ATP6AP2: variants seen among roughly 807,000 people sequenced by gnomAD.
ATP6AP2 encodes renin receptor.
A neutral mutation model predicts 23.4 loss-of-function variants in ATP6AP2; 1 was observed. The ratio of observed to expected loss-of-function variants is 0.04; its 90% CI spans 0.02 to 0.20. The LOEUF (loss-of-function observed/expected upper bound fraction) is 0.20, where lower values mean the gene tolerates loss of function less well. ATP6AP2 is among the 10% of genes least tolerant of loss of function. The pLI, the probability that ATP6AP2 is intolerant of heterozygous loss-of-function variation, is 1.00. For missense variants in ATP6AP2, 174 were observed against 271.3 expected (o/e 0.64, Z 2.52); for synonymous variants, 90 against 97.1 (o/e 0.93, Z 0.43).
chrX:40,591,836 T>G (rs1370414374), intron 3 of ATP6AP2: 1 of 159,282 alleles, frequency 6.3e-6, no homozygotes, highest in East Asian at 1.7e-4. Context: ...CCTTCCATTA[T>G]AAGCATATAG....
At chrX:40,588,854 A>G in intron 1 of ATP6AP2, 132 bp from the exon 2 acceptor site, 5 of 711,142 alleles carry the variant, frequency 7.0e-6, no homozygotes, top group Non-Finnish European at 8.5e-6. Context: ...TTTAGGACTC[A>G]GCATTTTGAC....
intron 8 of ATP6AP2, 197 bp from the exon 9 acceptor site, chrX:40,605,364 C>G (rs1927046108): frequency 7.0e-6 from 3 of 429,619 alleles, no homozygotes; most frequent in Non-Finnish European, 1.2e-5. Context: ...AGCATTTGGA[C>G]TGGTTTATAC....
In ATP6AP2 at chrX:40,600,931, T is replaced by TAAA. The variant is rs10590549; in HGVS notation, c.858+61_858+63dup. The TAAA allele has an allele frequency of 0.079, 67,908 of 855,011 alleles. 4 individuals are homozygous for TAAA. Among genetic ancestry groups the TAAA allele is most frequent in the Non-Finnish European group, 0.09 (57,094 of 631,020 alleles). The allele number at this position is 855,011 out of a possible 1,213,427, so 70.5% of individuals were successfully genotyped here. A position where few individuals can be genotyped will look rare whatever the true frequency, so the allele number is the denominator to read the frequency against. ...TTAAAACTGTAAAATTAACTTCTTA[T>TAAA]AAAAAAAAAAAAACCAAGTCCTATA... On this transcript the variant is annotated intron_variant, in intron 8 of 8. Transcript: ENST00000636580.
At chrX:40,582,647 G>C (rs1305136303) in intron 1 of ATP6AP2, among the ~76,000 whole-genome samples, 1 of 111,759 alleles carries the variant, frequency 8.9e-6, no homozygotes, top group Non-Finnish European at 1.9e-5. Flanking sequence ...TTCTGGCTCT[G>C]GAAAGGTCTT....
intron 3 of ATP6AP2, chrX:40,591,909 G>C (rs1398427389): frequency 2.4e-5 from 3 of 125,680 alleles, no homozygotes; most frequent in Admixed American, 8.1e-5. Context: ...GAATGCAAGA[G>C]GGGGTGATAT....
chrX:40,593,502 T>C (rs1926697240), intron 3 of ATP6AP2, among the ~76,000 whole-genome samples: 1 of 109,859 alleles, frequency 9.1e-6, no homozygotes, highest in Non-Finnish European at 1.9e-5. Flanking sequence ...CACATTTTCT[T>C]TCTGCTTTTT....
intron 1 of ATP6AP2, 134 bp downstream of exon 1, chrX:40,581,236 A>C (rs748487635): frequency 4.3e-6 from 3 of 697,224 alleles, no homozygotes; most frequent in Middle Eastern, 5.4e-4. Context: ...GCCTCGCCTC[A>C]GCCGCGTCCC....
intron 1 of ATP6AP2, among the ~76,000 whole-genome samples, chrX:40,584,012 A>G (rs940928980): frequency 8.0e-5 from 9 of 112,165 alleles, no homozygotes; most frequent in Non-Finnish European, 1.7e-4. Flanking sequence ...CAGATCTCCA[A>G]AGTGGAGTAT....
chrX:40,591,478 T>G lies in ATP6AP2; in HGVS notation c.300+113T>G, dbSNP rs1340080612. On this transcript the variant is annotated intron_variant, in intron 3 of 8. Transcript: ENST00000636580. ...CTCTTATCTGTTTTTGATGCACAGTTTCTTTTGAAATTCTTTGACAAACAC... is the reference window on the plus strand; with the variant it reads ...CTCTTATCTGTTTTTGATGCACAGTGTCTTTTGAAATTCTTTGACAAACAC... 5 of 902,842 alleles carry G rather than the reference T, an allele frequency of 5.5e-6. No homozygotes were observed. The East Asian group carries it at 1.7e-4, about 31-fold the overall frequency. The allele number at this position is 902,842 out of a possible 1,213,427, so 74.4% of individuals were successfully genotyped here.
At chrX:40,602,754 T>C (rs4521900) in intron 8 of ATP6AP2, among the ~76,000 whole-genome samples, 14,157 of 105,542 alleles carry the variant, frequency 0.13, 2,035 homozygotes, top group African/African-American at 0.4. Flanking sequence ...GGGATGGGAA[T>C]GGACAACTCC....
At chrX:40,596,960 A>G in intron 3 of ATP6AP2, 1 of 254,446 alleles carries the variant, frequency 3.9e-6, no homozygotes, top group Non-Finnish European at 7.0e-6. Flanking sequence ...TGCTGCTTCA[A>G]ATACATGAAT....
intron 1 of ATP6AP2, among the ~76,000 whole-genome samples, chrX:40,585,065 T>C (rs1200904247): frequency 8.9e-6 from 1 of 112,513 alleles, no homozygotes; most frequent in Non-Finnish European, 1.9e-5. Context: ...TTATCTCTTT[T>C]TGAATAATAA....
intron 1 of ATP6AP2, among the ~76,000 whole-genome samples, chrX:40,582,675 C>T (rs938523868): frequency 8.9e-6 from 1 of 112,039 alleles, no homozygotes; most frequent in Non-Finnish European, 1.9e-5. Flanking sequence ...TACTGAGATA[C>T]TTTGAGGGAA....
In ATP6AP2 at chrX:40,594,577, G is replaced by A. The variant is rs750786571; in HGVS notation, c.301-2672G>A. Among the ~76,000 whole-genome samples, 147 of 112,751 alleles carry A rather than the reference G, an allele frequency of 1.3e-3. No homozygotes were observed. In the South Asian group the frequency reaches 0.013, roughly 10 times the overall value. On this transcript the variant is annotated intron_variant, in intron 3 of 8. Transcript: ENST00000636580. Reference sequence around the variant, plus strand: ...AAGCAGAGCGCATGGATGGCTCAGCGCATGGATGGGGCAGTGGTTGGTGAT... The same window carrying A: ...AAGCAGAGCGCATGGATGGCTCAGCACATGGATGGGGCAGTGGTTGGTGAT...
chrX:40,605,187 C>A (rs1383674441), intron 8 of ATP6AP2: 1 of 145,974 alleles, frequency 6.9e-6, no homozygotes. Context: ...GCCTTGGCCT[C>A]CCGAAGTGCT....
intron 8 of ATP6AP2, 135 bp downstream of exon 8, chrX:40,601,016 C>T (rs1389894588): frequency 3.2e-5 from 21 of 658,205 alleles, no homozygotes; most frequent in African/African-American, 2.0e-4. Context: ...TCAGTTAAAA[C>T]GTAAGCTTCT....
chrX:40,584,364 CTTT>C (rs35576735), intron 1 of ATP6AP2, among the ~76,000 whole-genome samples: 2 of 87,271 alleles, frequency 2.3e-5, no homozygotes, highest in Non-Finnish European at 4.5e-5. Flanking sequence ...CAGCCTCTAT[CTTT>C]TTTTTTTTTT....
At chrX:40,589,658 G>A (rs1926573715) in intron 2 of ATP6AP2, 1 of 113,743 alleles carries the variant, frequency 8.8e-6, no homozygotes, top group Non-Finnish European at 1.8e-5. Context: ...TAGCCATGGG[G>A]CAGCCAAGGA....
At chrX:40,593,128 G>A (rs1358976400) in intron 3 of ATP6AP2, among the ~76,000 whole-genome samples, 1 of 110,878 alleles carries the variant, frequency 9.0e-6, no homozygotes, top group Non-Finnish European at 1.9e-5. Context: ...CGCATCTGTA[G>A]TCCCAGCTAC....
Sources: gnomAD v4.1 joint callset for allele counts (sites outside exome capture counted in the v4.1 genomes callset) on GRCh38, gnomAD v4.1.1 for gene constraint, MANE v1.5 for transcripts, NCBI Gene and HGNC (gene_info 2026-07-23, HGNC 2026-07-21) for gene names.